The following KLF15 variants were observed in gnomAD, a reference collection of about 807,000 sequenced individuals.
KLF15 encodes KLF transcription factor 15.
Under a neutral mutation model 24.6 loss-of-function variants are expected in KLF15, and 4 were observed. The observed-to-expected ratio is 0.16, with a 90% CI of 0.08 to 0.37. The LOEUF (loss-of-function observed/expected upper bound fraction) is 0.37. KLF15 is among the 10% of genes least tolerant of loss of function. KLF15 has a pLI of 1.00. For missense variants in KLF15, 496 were observed against 560.6 expected (o/e 0.88, Z 1.16); for synonymous variants, 246 against 236.3 (o/e 1.04, Z -0.37).
chr3:126,306,121 C>A, the KLF15 span, among the ~76,000 whole-genome samples: 2 of 152,212 alleles, frequency 1.3e-5, no homozygotes, highest in African/African-American at 4.8e-5. Context: ...TCCGAAGGAA[C>A]TTTCATCTCA....
the KLF15 span, among the ~76,000 whole-genome samples, chr3:126,318,846 G>C: frequency 2.6e-5 from 4 of 152,128 alleles, no homozygotes; most frequent in African/African-American, 9.7e-5. Context: ...GTTTAAATTA[G>C]GGTTCACTCC....
chr3:126,296,153 C>T, the KLF15 span, among the ~76,000 whole-genome samples: 1 of 152,170 alleles, frequency 6.6e-6, no homozygotes, highest in Non-Finnish European at 1.5e-5. Context: ...CTGGGTGTTA[C>T]TCATTGTTCA....
the KLF15 span, among the ~76,000 whole-genome samples, chr3:126,328,430 C>T: frequency 1.3e-5 from 2 of 152,064 alleles, no homozygotes; most frequent in African/African-American, 2.4e-5. Flanking sequence ...GACTTCTTTT[C>T]CTCTGGGTAG....
the KLF15 span, among the ~76,000 whole-genome samples, chr3:126,329,868 A>T: frequency 6.9e-6 from 1 of 145,640 alleles, no homozygotes; most frequent in Non-Finnish European, 1.5e-5. Flanking sequence ...ATTTCCTGCC[A>T]TGTTGCTTGT....
the KLF15 span, among the ~76,000 whole-genome samples, chr3:126,302,537 C>CGT: frequency 6.6e-6 from 1 of 152,094 alleles, no homozygotes; most frequent in African/African-American, 2.4e-5. Flanking sequence ...GAAGTTCTAT[C>CGT]ACTTACTGGC....
the KLF15 span, among the ~76,000 whole-genome samples, chr3:126,313,961 C>T: frequency 6.6e-6 from 1 of 152,258 alleles, no homozygotes; most frequent in South Asian, 2.1e-4. Context: ...TGGCACACAG[C>T]CAGGCTCATA....
At chr3:126,328,751 G>C in the KLF15 span, among the ~76,000 whole-genome samples, 2 of 152,272 alleles carry the variant, frequency 1.3e-5, no homozygotes, top group Admixed American at 1.3e-4. Context: ...TTGCAATGTA[G>C]TCAACCTCCA....
chr3:126,316,186 C>T, the KLF15 span, among the ~76,000 whole-genome samples: 6 of 151,670 alleles, frequency 4.0e-5, no homozygotes, highest in Admixed American at 1.3e-4. Context: ...ATATGGAAAG[C>T]GGGGCTGGGA....
At chr3:126,315,998 G>A in the KLF15 span, among the ~76,000 whole-genome samples, 2 of 152,144 alleles carry the variant, frequency 1.3e-5, no homozygotes, top group East Asian at 1.9e-4. Context: ...TTGGCAAGCC[G>A]CACTCTAGAG....
chr3:126,295,229 A>G, the KLF15 span, among the ~76,000 whole-genome samples: 1 of 152,234 alleles, frequency 6.6e-6, no homozygotes, highest in Non-Finnish European at 1.5e-5. Context: ...AAAAGCAAAC[A>G]ATCACAGAAG....
the KLF15 span, among the ~76,000 whole-genome samples, chr3:126,289,839 C>T: frequency 1.7e-4 from 26 of 152,180 alleles, no homozygotes; most frequent in African/African-American, 6.0e-4. Context: ...ATTAAGGACA[C>T]GTCTTGGGAG....
chr3:126,288,968 G>A, the KLF15 span: 1 of 152,286 alleles, frequency 6.6e-6, no homozygotes, highest in Non-Finnish European at 1.5e-5. Context: ...GAATCCTGAA[G>A]ATGATTTCGA....
the KLF15 span, among the ~76,000 whole-genome samples, chr3:126,297,297 T>C: frequency 3.3e-5 from 5 of 152,206 alleles, no homozygotes; most frequent in African/African-American, 1.2e-4. Context: ...TAAGATATCA[T>C]GTAATGTATC....
At chr3:126,341,473 G>T (rs1022078850), downstream of KLF15, among the ~76,000 whole-genome samples, 1 of 152,188 alleles carries the variant, frequency 6.6e-6, no homozygotes, top group Non-Finnish European at 1.5e-5. Context: ...GAAAGCCCAT[G>T]TTAACAAGGC....
chr3:126,306,138 G>A, the KLF15 span, among the ~76,000 whole-genome samples: 4 of 152,152 alleles, frequency 2.6e-5, no homozygotes, highest in South Asian at 4.1e-4. Flanking sequence ...CTCATGCATC[G>A]TACTGAGGAG....
the KLF15 span, among the ~76,000 whole-genome samples, chr3:126,329,759 G>GAA: frequency 2.5e-5 from 3 of 120,614 alleles, no homozygotes; most frequent in African/African-American, 3.0e-5. Context: ...TCCCCATACA[G>GAA]AAAAAAAAAA....
the KLF15 span, among the ~76,000 whole-genome samples, chr3:126,299,205 AGTATGTATGTAT>A: frequency 1.0e-3 from 158 of 150,492 alleles, 1 homozygote; most frequent in African/African-American, 1.3e-3. Context: ...TATATTCCTA[AGTATGTATGTAT>A]GTATGTATGT....
the KLF15 span, among the ~76,000 whole-genome samples, chr3:126,328,417 A>T: frequency 6.6e-6 from 1 of 152,158 alleles, no homozygotes; most frequent in South Asian, 2.1e-4. Context: ...TTTTTCAAAT[A>T]ATGACTTCTT....
At chr3:126,336,591 A>C in the KLF15 span, among the ~76,000 whole-genome samples, 1 of 68,682 alleles carries the variant, frequency 1.5e-5, no homozygotes, top group African/African-American at 7.8e-5. Flanking sequence ...TAATTAAACT[A>C]AAGAGCTTCT....
Sources: gnomAD v4.1 joint callset for allele counts (sites outside exome capture counted in the v4.1 genomes callset) on GRCh38, gnomAD v4.1.1 for gene constraint, MANE v1.5 for transcripts, NCBI Gene and HGNC (gene_info 2026-07-23, HGNC 2026-07-21) for gene names.